QRSL1: variants seen among roughly 807,000 people sequenced by gnomAD.
QRSL1 encodes glutamyl-tRNA(Gln) amidotransferase subunit A, mitochondrial.
In QRSL1, 54 loss-of-function variants were observed where a neutral mutation model predicts 61.6. The ratio of observed to expected loss-of-function variants is 0.88; its 90% CI spans 0.70 to 1.10. The LOEUF (loss-of-function observed/expected upper bound fraction) is 1.10. Among genes scored for constraint, QRSL1 ranks in the 50% least tolerant of loss-of-function variants. QRSL1 has a pLI of 0.00. For missense variants in QRSL1, 505 were observed against 622.6 expected (o/e 0.81, Z 2.01); for synonymous variants, 228 against 225.7 (o/e 1.01, Z -0.09).
intron 5 of QRSL1, among the ~76,000 whole-genome samples, chr6:106,650,220 G>C (rs1257313660): frequency 3.3e-5 from 5 of 152,024 alleles, no homozygotes; most frequent in African/African-American, 1.2e-4. Context: ...TTTAGTAGAT[G>C]GCATTTTGAC....
intron 9 of QRSL1, among the ~76,000 whole-genome samples, chr6:106,656,469 A>T (rs529105428): frequency 1.3e-5 from 2 of 152,366 alleles, no homozygotes; most frequent in East Asian, 3.9e-4. Flanking sequence ...TGTCTTCATT[A>T]TGAGTTTATT....
intron 10 of QRSL1, among the ~76,000 whole-genome samples, chr6:106,665,301 A>C (rs902584750): frequency 6.6e-6 from 1 of 152,242 alleles, no homozygotes; most frequent in African/African-American, 2.4e-5. Context: ...GCAAGGCTAT[A>C]GGTGGAAGTT....
At chr6:106,659,167 A>C (rs1306894448) in intron 9 of QRSL1, among the ~76,000 whole-genome samples, 1 of 152,128 alleles carries the variant, frequency 6.6e-6, no homozygotes, top group Non-Finnish European at 1.5e-5. Flanking sequence ...CTTCTTGAAC[A>C]TATAGAACAT....
At chr6:106,652,667 G>T (rs768847358) in intron 7 of QRSL1, 85 bp downstream of exon 7, 6 of 1,585,374 alleles carry the variant, frequency 3.8e-6, no homozygotes, top group Admixed American at 1.8e-5. Flanking sequence ...GGGTGGGTTT[G>T]AATCTCTGCT....
chr6:106,655,032 A>G, intron 8 of QRSL1, 110 bp downstream of exon 8: 4 of 1,017,962 alleles, frequency 3.9e-6, no homozygotes, highest in East Asian at 4.9e-5. Flanking sequence ...GTGATTCAGA[A>G]AAGTTCATCA....
chr6:106,663,058 T>C lies in QRSL1; in HGVS notation c.1239T>C (p.Ser413=). 6.2e-7 allele frequency: 1 copy of C among 1,612,704 alleles called. No individual in the cohort carries two copies. Among genetic ancestry groups the C allele is most frequent in the South Asian group, 1.1e-5 (1 of 91,048 alleles). ...ATGACTTTGTAAATGCTTTTAACTC[T>C]GGAGTAGATGTCTTGCTAACTCCCA... ...IANDFVNAFN[S]GVDVLLTPTT... is the part of the protein sequence containing the mutation. Residue 413 remains serine, a synonymous_variant, in exon 10 of 11, where the codon TCT becomes TCC. Coordinates refer to ENST00000369046, the MANE Select transcript of QRSL1 (RefSeq NM_018292.5).
chr6:106,632,114 C>T (rs1776845093), intron 1 of QRSL1, among the ~76,000 whole-genome samples: 1 of 152,188 alleles, frequency 6.6e-6, no homozygotes, highest in Non-Finnish European at 1.5e-5. Context: ...CCTCCAGTTC[C>T]ATCCATGTTG....
chr6:106,630,013 G>A (rs938644983), intron 1 of QRSL1, among the ~76,000 whole-genome samples: 3 of 152,140 alleles, frequency 2.0e-5, no homozygotes, highest in African/African-American at 7.2e-5. Context: ...GCCAAAGGGG[G>A]CTTGCGGGGC....
At chr6:106,651,054 C>T (rs144504628) in intron 5 of QRSL1, among the ~76,000 whole-genome samples, 92 of 152,198 alleles carry the variant, frequency 6.0e-4, no homozygotes, top group Non-Finnish European at 1.5e-4. Context: ...CATCTTGCAA[C>T]GCTAAAACTG....
chr6:106,649,323 C>T (rs1418249040), intron 5 of QRSL1, 122 bp downstream of exon 5: 3 of 899,222 alleles, frequency 3.3e-6, no homozygotes, highest in African/African-American at 3.4e-5. Context: ...TATATGTGCT[C>T]AAAGGTATAT....
At chr6:106,639,111 G>GTGTTTTTTTTTT (rs1776967983) in intron 1 of QRSL1, among the ~76,000 whole-genome samples, 1 of 60,754 alleles carries the variant, frequency 1.6e-5, no homozygotes, top group African/African-American at 6.7e-5. Context: ...TTATTTGTGT[G>GTGTTTTTTTTTT]TTTTGTTGTT....
At chr6:106,657,051 C>T (rs1247706277) in intron 9 of QRSL1, among the ~76,000 whole-genome samples, 1 of 152,182 alleles carries the variant, frequency 6.6e-6, no homozygotes, top group African/African-American at 2.4e-5. Flanking sequence ...GGGCAGATCA[C>T]CTGAGGTTAG....
chr6:106,665,263 T>C lies in QRSL1; in HGVS notation c.1367-519T>C, dbSNP rs568570310. ...TTCTCATCTAATGGATTGCCAAAAA[T>C]TCAAAAACTGAACAACACACTCTGT... is the stretch of plus-strand genomic sequence containing the variant. On this transcript the variant is annotated intron_variant, in intron 10 of 10. Coordinates refer to ENST00000369046, the MANE Select transcript of QRSL1 (RefSeq NM_018292.5). 1.8e-4 allele frequency among the ~76,000 whole-genome samples: 26 copies of C among 143,614 alleles called. No individual in the cohort carries two copies. The South Asian group carries it at 5.2e-3, about 29-fold the overall frequency. 94.2% of individuals were successfully genotyped at this position (143,614 alleles called of 152,430 possible).
In QRSL1 at chr6:106,654,768, T is replaced by C. The variant is rs1233855736; in HGVS notation, c.888T>C (p.Ser296=). 2 of 1,612,544 alleles carry C rather than the reference T, an allele frequency of 1.2e-6. No individual in the cohort carries two copies. The highest frequency in any genetic ancestry group is 1.7e-6 in the Non-Finnish European group (2 of 1,179,676). ...CGGAATTATCAAGTGAAGTACAGTC[T>C]CTTTGGTCCAAAGCTGCTGACCTCT... ...LVPELSSEVQ[S]LWSKAADLFE... is the part of the protein sequence containing the mutation. The change falls in exon 8 of 11, where the codon TCT becomes TCC. Residue 296 remains serine (S), a synonymous_variant. Transcript: ENST00000369046.
chr6:106,666,459 TTAA>T lies in QRSL1; in HGVS notation c.*464_*466del, dbSNP rs942777824. 1.8e-5 allele frequency: 3 copies of T among 169,822 alleles called. No individual in the cohort carries two copies. Among genetic ancestry groups the T allele is most frequent in the Non-Finnish European group, 3.9e-5 (3 of 77,114 alleles). 10.5% of individuals were successfully genotyped at this position (169,822 alleles called of 1,614,324 possible). On this transcript the variant is annotated 3_prime_UTR_variant, in exon 11 of 11. Transcript: ENST00000369046. ...TTACTTTTTAAAATTCCTGTGACAA[TTAA>T]TAATAAATAACGTGTCAGCATTTAG...
intron 8 of QRSL1, among the ~76,000 whole-genome samples, 170 bp downstream of exon 8, chr6:106,655,092 C>T (rs1327495835): frequency 1.3e-5 from 2 of 152,126 alleles, no homozygotes; most frequent in African/African-American, 4.8e-5. Flanking sequence ...CACTATTTGT[C>T]ATAAATATTT....
chr6:106,659,925 T>G (rs1423832810), intron 9 of QRSL1, among the ~76,000 whole-genome samples: 1 of 152,202 alleles, frequency 6.6e-6, no homozygotes, highest in East Asian at 1.9e-4. Context: ...TCCCCAGCCT[T>G]GGGAATTTCT....
In QRSL1 at chr6:106,640,869, C is replaced by T; in HGVS notation, c.231C>T (p.Asp77=). 1.2e-6 allele frequency: 2 copies of T among 1,613,732 alleles called. No homozygotes were observed. The highest frequency in any genetic ancestry group is 1.1e-5 in the South Asian group (1 of 91,066). ...ATGGAATTCCTATTGCAGTAAAAGA[C>T]AATTTCAGCACTTCTGGCATTGAGA... is the stretch of plus-strand genomic sequence containing the variant. The part of the protein sequence containing the change: ...DLDGIPIAVK[D]NFSTSGIETT... The change falls in exon 3 of 11, where the codon GAC becomes GAT. Residue 77 remains aspartate, a synonymous_variant. Transcript: ENST00000369046.
Position 106,665,835 on chromosome 6 carries a change from G to C in QRSL1, c.1420G>C (p.Gly474Arg). Residue 474 changes from glycine (G) to arginine (R), a missense_variant, in exon 11 of 11, where the codon GGA becomes CGA. By Grantham distance (125) the Gly-to-Arg change is moderately radical. Coordinates refer to ENST00000369046, the MANE Select transcript of QRSL1 (RefSeq NM_018292.5). Reference protein sequence around the residue: ...VALSNQGLPIGLQFIGRAFCD... With the variant: ...VALSNQGLPIRLQFIGRAFCD... The stretch of plus-strand genomic sequence containing the variant: ...ACTCTCAAACCAAGGGTTGCCAATA[G>C]GACTGCAGTTTATTGGACGTGCGTT... The C allele has an allele frequency of 6.2e-7, 1 of 1,613,926 alleles. No homozygotes were observed. The highest frequency in any genetic ancestry group is 8.5e-7 in the Non-Finnish European group (1 of 1,179,854).
Sources: allele counts gnomAD v4.1 joint callset (sites outside exome capture counted in the v4.1 genomes callset), GRCh38; gene constraint gnomAD v4.1.1; transcripts MANE v1.5; gene names NCBI Gene and HGNC (gene_info 2026-07-23, HGNC 2026-07-21).